The following QKI variants were observed in gnomAD, a reference collection of about 807,000 sequenced individuals.
QKI encodes the protein QKI, KH domain containing RNA binding, also known as KH domain-containing RNA-binding protein QKI.
QKI carries 10 observed loss-of-function variants against 39.0 expected under a neutral mutation model. The observed-to-expected ratio is 0.26, with a 90% CI of 0.16 to 0.43. The LOEUF (loss-of-function observed/expected upper bound fraction) is 0.43. Ranked by LOEUF, QKI falls within the 20% of genes least tolerant of loss-of-function variation. The pLI, the probability that QKI is intolerant of heterozygous loss-of-function variation, is 1.00. For missense variants in QKI, 218 were observed against 428.0 expected, an observed-to-expected ratio of 0.51 and a Z score of 4.33; for synonymous variants, 204 against 155.4, an observed-to-expected ratio of 1.31 and a Z score of -2.33.
chr6:163,479,874 A>G (rs1721615333), intron 3 of QKI, among the ~76,000 whole-genome samples: 3 of 152,186 alleles, frequency 2.0e-5, no homozygotes, highest in African/African-American at 7.2e-5. Flanking sequence ...ATAACTTTGG[A>G]TGTATGTCAG....
intron 3 of QKI, among the ~76,000 whole-genome samples, chr6:163,497,784 C>G (rs1034817925): frequency 1.3e-5 from 2 of 151,556 alleles, no homozygotes; most frequent in African/African-American, 4.8e-5. Context: ...TATTTATTGT[C>G]TAGTTGTAAT....
At chr6:163,418,872 C>T (rs1787763932) in intron 1 of QKI, among the ~76,000 whole-genome samples, 1 of 151,968 alleles carries the variant, frequency 6.6e-6, no homozygotes, top group South Asian at 2.1e-4. Flanking sequence ...CTTAACAATC[C>T]TGTATTAGGG....
chr6:163,465,767 A>G (rs568187668), intron 2 of QKI, among the ~76,000 whole-genome samples: 291 of 152,258 alleles, frequency 1.9e-3, no homozygotes, highest in Middle Eastern at 3.4e-3. Context: ...AAGTTCTGGG[A>G]TACAAAAATC....
chr6:163,532,212 A>G (rs1780906510), intron 3 of QKI, among the ~76,000 whole-genome samples: 1 of 152,192 alleles, frequency 6.6e-6, no homozygotes, highest in Admixed American at 6.5e-5. Flanking sequence ...CTTTTCTCAA[A>G]AATATTTGAT....
chr6:163,568,239 A>G, intron 7 of QKI: 1 of 984,742 alleles, frequency 1.0e-6, no homozygotes, highest in Non-Finnish European at 1.2e-6. Flanking sequence ...AGAGTATTTT[A>G]AAGTAGTTTT....
rs1409820678 is a variant in QKI, at chr6:163,576,908, CAG to C, written c.*6200_*6201del. ...TTAGCCATTAAGGGAGATTAGTAAA[CAG>C]ACTGCTACAGTGTTCCATAGTTGGA... is the stretch of plus-strand genomic sequence containing the variant. On this transcript the variant is annotated 3_prime_UTR_variant, in exon 8 of 8. Transcript: ENST00000361752. 6.6e-6 allele frequency: 1 copy of C among 152,156 alleles called. No homozygotes were observed. The highest frequency in any genetic ancestry group is 1.5e-5 in the Non-Finnish European group (1 of 68,026). 9.4% of individuals were successfully genotyped at this position (152,156 alleles called of 1,614,324 possible). A position where few individuals can be genotyped will look rare whatever the true frequency, so the allele number is the denominator to read the frequency against.
intron 7 of QKI, chr6:163,570,444 GTTTTTT>G: frequency 4.3e-6 from 4 of 924,222 alleles, no homozygotes; most frequent in Non-Finnish European, 5.1e-6. Flanking sequence ...TTGTTAACCA[GTTTTTT>G]TTTTTTTTTT....
rs542451548 is a variant in QKI at position 163,573,166 on chromosome 6, T to G, written c.*2456T>G. ...TGGCTCTGAACAAACTTTTGAAAAC[T>G]TGGTTGACAAAATTTTGGATCAACT... is the stretch of plus-strand genomic sequence containing the variant. On this transcript the variant is annotated 3_prime_UTR_variant, in exon 8 of 8. Coordinates refer to ENST00000361752, the MANE Select transcript of QKI (RefSeq NM_006775.3). 1 of 152,320 alleles carries G rather than the reference T, an allele frequency of 6.6e-6. No homozygotes were observed. Among genetic ancestry groups the G allele is most frequent in the African/African-American group, 2.4e-5 (1 of 41,564 alleles). The allele number at this position is 152,320 out of a possible 1,614,324, so 9.4% of individuals were successfully genotyped here. A position where few individuals can be genotyped will look rare whatever the true frequency, so the allele number is the denominator to read the frequency against.
chr6:163,570,314 A>T, intron 7 of QKI: 3 of 981,660 alleles, frequency 3.1e-6, no homozygotes, highest in Non-Finnish European at 3.6e-6. Flanking sequence ...TCAGATACTG[A>T]TAACTGCACT....
intron 1 of QKI, among the ~76,000 whole-genome samples, chr6:163,446,262 G>T (rs1790143968): frequency 6.6e-6 from 1 of 152,120 alleles, no homozygotes; most frequent in African/African-American, 2.4e-5. Flanking sequence ...TTTAAGAAAA[G>T]TTTCTGAAAA....
At chr6:163,564,727 C>T in intron 6 of QKI, 1 of 1,614,022 alleles carries the variant, frequency 6.2e-7, no homozygotes, top group Non-Finnish European at 8.5e-7. Context: ...GGATGAAGGA[C>T]TAGAATACAG....
rs539710115 is a variant in QKI, at chr6:163,463,878, A to G, written c.285+8457A>G. Among the ~76,000 whole-genome samples, 11 of 152,274 alleles carry G rather than the reference A, an allele frequency of 7.2e-5. No homozygotes were observed. The East Asian group carries it at 2.1e-3, about 29-fold the overall frequency. On this transcript the variant is annotated intron_variant, in intron 2 of 7. Transcript: ENST00000361752. Reference sequence around the variant, plus strand: ...TTGCTGCTACCCATGTTTTCTAGCCACCTAAGCAATTCACTCTTCTGTAAA... The same window carrying G: ...TTGCTGCTACCCATGTTTTCTAGCCGCCTAAGCAATTCACTCTTCTGTAAA...
intron 4 of QKI, among the ~76,000 whole-genome samples, chr6:163,548,204 C>G (rs966664809): frequency 1.3e-5 from 2 of 152,182 alleles, no homozygotes; most frequent in African/African-American, 4.8e-5. Context: ...TTGCCCCTGA[C>G]TGGGCATTTC....
Position 163,522,903 on chromosome 6 carries a change from G to C in QKI, c.403-12079G>C, listed in dbSNP as rs141224802. 3.3e-5 allele frequency among the ~76,000 whole-genome samples: 5 copies of C among 152,268 alleles called. No individual in the cohort carries two copies. In the East Asian group the frequency reaches 9.6e-4, roughly 29 times the overall value. On this transcript the variant is annotated intron_variant, in intron 3 of 7. Transcript: ENST00000361752. The stretch of plus-strand genomic sequence containing the variant: ...GAACACTGCAGCTATCCACGGTGCC[G>C]TTAGGTTGAATAGGACGTCGCAACC...
At chr6:163,569,124 A>G (rs1783551130) in intron 7 of QKI, 1 of 935,504 alleles carries the variant, frequency 1.1e-6, no homozygotes, top group Non-Finnish European at 1.3e-6. Flanking sequence ...CCTGTGAAGT[A>G]GTATGACTAC....
chr6:163,476,879 T>C (rs996709632), intron 2 of QKI, among the ~76,000 whole-genome samples: 3 of 152,200 alleles, frequency 2.0e-5, no homozygotes, highest in Non-Finnish European at 4.4e-5. Context: ...TACTGGACCT[T>C]GTGTATGTAT....
chr6:163,569,994 C>T (rs1028240505), intron 7 of QKI: 3 of 986,224 alleles, frequency 3.0e-6, no homozygotes, highest in Non-Finnish European at 3.6e-6. Context: ...TTGGCTAGTG[C>T]AAAAGGCCTG....
intron 2 of QKI, among the ~76,000 whole-genome samples, chr6:163,471,401 AC>A (rs1232959459): frequency 6.6e-6 from 1 of 152,192 alleles, no homozygotes; most frequent in Non-Finnish European, 1.5e-5. Context: ...ATAAAGAGCA[AC>A]AAAAATGGTA....
chr6:163,439,889 A>T (rs1036391729), intron 1 of QKI, among the ~76,000 whole-genome samples: 5 of 152,038 alleles, frequency 3.3e-5, no homozygotes, highest in African/African-American at 7.2e-5. Context: ...ATCTCAAGTG[A>T]TCTGCCTGCC....
Sources: gnomAD v4.1 joint callset for allele counts (sites outside exome capture counted in the v4.1 genomes callset) on GRCh38, gnomAD v4.1.1 for gene constraint, MANE v1.5 for transcripts, NCBI Gene and HGNC (gene_info 2026-07-23, HGNC 2026-07-21) for gene names.